Variants in VGLL4 observed in about 807,000 individuals in gnomAD.
VGLL4 encodes vestigial like family member 4.
Under a neutral mutation model 21.0 loss-of-function variants are expected in VGLL4, and 7 were observed. The ratio of observed to expected loss-of-function variants is 0.33; its 90% CI spans 0.19 to 0.63. The LOEUF (loss-of-function observed/expected upper bound fraction) is 0.63, where lower values mean the gene tolerates loss of function less well. Ranked by LOEUF, VGLL4 falls within the 20% of genes least tolerant of loss-of-function variation. VGLL4 has a pLI of 0.78. For synonymous variants in VGLL4, 222 were observed against 173.2 expected (o/e 1.28, Z -2.21); for missense variants, 394 against 425.7 (o/e 0.93, Z 0.66).
intron 2 of VGLL4, chr3:11,671,214 TAAG>T: frequency 6.4e-7 from 1 of 1,555,528 alleles, no homozygotes. Flanking sequence ...TAATTTCAAT[TAAG>T]AAATGTCAAT....
intron 2 of VGLL4, among the ~76,000 whole-genome samples, chr3:11,667,654 C>G (rs1386637970): frequency 1.3e-5 from 2 of 152,020 alleles, no homozygotes; most frequent in African/African-American, 2.4e-5. Flanking sequence ...GTGTAGAAGA[C>G]CATGGAAAGC....
chr3:11,585,557 T>C (rs2074342972), intron 2 of VGLL4, among the ~76,000 whole-genome samples: 1 of 152,080 alleles, frequency 6.6e-6, no homozygotes, highest in Admixed American at 6.5e-5. Flanking sequence ...GTTTCAGATT[T>C]GTAGGTTTAA....
At position 11,666,102 on chromosome 3, in the gene VGLL4, A is replaced by T. The variant is rs556177519; in HGVS notation, c.64+36869T>A. On this transcript the variant is annotated intron_variant, in intron 2 of 5. Coordinates refer to the VGLL4 transcript ENST00000273038. ...CGTCTCTACTAAAAATACAAAAAAA[A>T]TTAGCCAGGCATGGTAGTGGGCGCC... Among the ~76,000 whole-genome samples, 447 of 152,230 alleles carry T rather than the reference A, an allele frequency of 2.9e-3. 1 individual carries two copies. Among genetic ancestry groups the T allele is most frequent in the Non-Finnish European group, 4.9e-3 (336 of 68,010 alleles).
intron 2 of VGLL4, among the ~76,000 whole-genome samples, chr3:11,581,333 C>A (rs1047862995): frequency 6.6e-6 from 1 of 152,174 alleles, no homozygotes; most frequent in African/African-American, 2.4e-5. Context: ...TCCTGAAGTT[C>A]TGAGATTACA....
intron 2 of VGLL4, chr3:11,702,887 G>A: frequency 7.6e-7 from 1 of 1,322,954 alleles, no homozygotes; most frequent in South Asian, 1.5e-5. Flanking sequence ...AAACCATGTA[G>A]AGAAGCATGT....
At chr3:11,580,248 A>G (rs2074187438) in intron 2 of VGLL4, among the ~76,000 whole-genome samples, 1 of 152,200 alleles carries the variant, frequency 6.6e-6, no homozygotes, top group Non-Finnish European at 1.5e-5. Context: ...ACCTCATGTC[A>G]GTGGAATCAT....
intron 2 of VGLL4, among the ~76,000 whole-genome samples, chr3:11,580,325 T>G (rs1391566630): frequency 6.6e-6 from 1 of 152,248 alleles, no homozygotes; most frequent in Admixed American, 6.5e-5. Flanking sequence ...GGTCCGAATC[T>G]CCTTCCTTTT....
intron 1 of VGLL4, among the ~76,000 whole-genome samples, chr3:11,614,079 G>A (rs748462150): frequency 3.9e-5 from 6 of 152,208 alleles, no homozygotes; most frequent in Non-Finnish European, 7.3e-5. Flanking sequence ...GGCTCAGAGC[G>A]ATACCCGGCA....
At chr3:11,605,050 G>GC (rs2074900784) in intron 1 of VGLL4, among the ~76,000 whole-genome samples, 6 of 18,416 alleles carry the variant, frequency 3.3e-4, no homozygotes, top group Admixed American at 6.5e-4. Flanking sequence ...CCACGCCCCC[G>GC]CCCACCCCCA....
chr3:11,677,365 A>G (rs1246183228), intron 2 of VGLL4, among the ~76,000 whole-genome samples: 1 of 151,806 alleles, frequency 6.6e-6, no homozygotes, highest in Non-Finnish European at 1.5e-5. Flanking sequence ...TCAACCTCCC[A>G]GACAAGTGAT....
intron 2 of VGLL4, among the ~76,000 whole-genome samples, chr3:11,582,925 C>T (rs890565741): frequency 6.6e-6 from 1 of 152,200 alleles, no homozygotes; most frequent in Non-Finnish European, 1.5e-5. Context: ...CAGGCTGCCA[C>T]AGATGGTGAC....
chr3:11,574,783 A>G (rs530243307), intron 2 of VGLL4, among the ~76,000 whole-genome samples: 177 of 111,802 alleles, frequency 1.6e-3, no homozygotes, highest in African/African-American at 5.1e-3. Context: ...ATTCAACTAT[A>G]TATGTGTGTG....
At chr3:11,633,695 A>C (rs945386122) in intron 1 of VGLL4, 5 of 152,446 alleles carry the variant, frequency 3.3e-5, no homozygotes, top group African/African-American at 1.2e-4. Flanking sequence ...GATGAAGAAA[A>C]GAAGGCAGAG....
intron 1 of VGLL4, among the ~76,000 whole-genome samples, chr3:11,703,304 G>A (rs906428765): frequency 6.6e-6 from 1 of 152,192 alleles, no homozygotes; most frequent in Non-Finnish European, 1.5e-5. Context: ...GGGATATTGT[G>A]AATATTCATG....
chr3:11,643,353 G>A, intron 1 of VGLL4, 84 bp downstream of exon 1: 8 of 1,606,584 alleles, frequency 5.0e-6, no homozygotes, highest in Admixed American at 1.7e-5. Flanking sequence ...AGGACAGCGG[G>A]CGCTTAGAAG....
chr3:11,694,186 T>A (rs934203070), intron 2 of VGLL4, among the ~76,000 whole-genome samples: 2 of 152,348 alleles, frequency 1.3e-5, no homozygotes, highest in East Asian at 3.9e-4. Flanking sequence ...CAGGAGTTCA[T>A]GAGAAATTTT....
chr3:11,572,365 C>T (rs1281117781), intron 2 of VGLL4, among the ~76,000 whole-genome samples: 5 of 152,176 alleles, frequency 3.3e-5, no homozygotes, highest in African/African-American at 1.2e-4. Context: ...CAAAGCCTTT[C>T]CATTTTCCGG....
At chr3:11,688,932 C>A (rs573018859) in intron 2 of VGLL4, among the ~76,000 whole-genome samples, 1 of 151,932 alleles carries the variant, frequency 6.6e-6, no homozygotes, top group Non-Finnish European at 1.5e-5. Context: ...ACAAGAGAAT[C>A]GCTTGAACCC....
intron 2 of VGLL4, among the ~76,000 whole-genome samples, chr3:11,585,168 G>C (rs574501294): frequency 6.6e-6 from 1 of 152,284 alleles, no homozygotes; most frequent in African/African-American, 2.4e-5. Flanking sequence ...GGACACAGTG[G>C]CTCATGCCTG....
Sources: gnomAD v4.1 joint callset for allele counts (sites outside exome capture counted in the v4.1 genomes callset) on GRCh38, gnomAD v4.1.1 for gene constraint, MANE v1.5 for transcripts, NCBI Gene and HGNC (gene_info 2026-07-23, HGNC 2026-07-21) for gene names.